EPHB1: variants seen among roughly 807,000 people sequenced by gnomAD.
EPHB1 encodes the protein EPH receptor B1.
EPHB1 carries 30 observed loss-of-function variants against 94.4 expected under a neutral mutation model. The observed-to-expected ratio is 0.32, with a 90% CI of 0.24 to 0.43. EPHB1 has a LOEUF of 0.43. Ranked by LOEUF, EPHB1 falls within the 20% of genes least tolerant of loss-of-function variation. EPHB1 has a pLI of 1.00. For synonymous variants in EPHB1, 522 were observed against 489.1 expected (o/e 1.07, Z -0.89); for missense variants, 1,055 against 1,308.3 (o/e 0.81, Z 2.99).
At chr3:134,896,850 C>T (rs950947354) in intron 1 of EPHB1, among the ~76,000 whole-genome samples, 1 of 152,228 alleles carries the variant, frequency 6.6e-6, no homozygotes, top group East Asian at 1.9e-4. Flanking sequence ...CCTTGGGTGT[C>T]CAAGCGAGTG....
chr3:135,071,964 G>A (rs1174644234), intron 3 of EPHB1, among the ~76,000 whole-genome samples: 1 of 152,096 alleles, frequency 6.6e-6, no homozygotes. Flanking sequence ...TGCCAGCCCT[G>A]CCCCCAGTCC....
chr3:135,195,119 G>A (rs1942562675), intron 11 of EPHB1, among the ~76,000 whole-genome samples: 1 of 152,134 alleles, frequency 6.6e-6, no homozygotes, highest in African/African-American at 2.4e-5. Context: ...AGAAGGAAAA[G>A]CATTTTCTGG....
intron 3 of EPHB1, among the ~76,000 whole-genome samples, chr3:135,054,336 A>T (rs1358844864): frequency 3.3e-5 from 5 of 152,040 alleles, no homozygotes; most frequent in Non-Finnish European, 5.9e-5. Flanking sequence ...CAGATTTTGG[A>T]CTTGCCAGTC....
At chr3:135,150,392 T>A (rs898522752) in intron 5 of EPHB1, among the ~76,000 whole-genome samples, 1 of 152,194 alleles carries the variant, frequency 6.6e-6, no homozygotes, top group Non-Finnish European at 1.5e-5. Context: ...CTGGACTGAT[T>A]CCAGAAAACT....
At chr3:134,961,727 T>A (rs1328442139) in intron 3 of EPHB1, among the ~76,000 whole-genome samples, 2 of 152,236 alleles carry the variant, frequency 1.3e-5, no homozygotes, top group Non-Finnish European at 2.9e-5. Flanking sequence ...ATATTACATA[T>A]AGATCTGCCT....
chr3:135,139,178 G>C (rs1030985748), intron 5 of EPHB1, among the ~76,000 whole-genome samples: 22 of 152,174 alleles, frequency 1.4e-4, no homozygotes, highest in Admixed American at 6.5e-5. Context: ...AATGTGTCCT[G>C]GTGACCCACA....
intron 12 of EPHB1, among the ~76,000 whole-genome samples, chr3:135,209,116 ACT>A (rs1405988445): frequency 6.6e-6 from 1 of 152,250 alleles, no homozygotes; most frequent in Non-Finnish European, 1.5e-5. Flanking sequence ...TTGAGTCCAC[ACT>A]AATATGCATA....
intron 1 of EPHB1, among the ~76,000 whole-genome samples, chr3:134,816,707 C>A (rs750197252): frequency 6.6e-6 from 1 of 151,884 alleles, no homozygotes; most frequent in African/African-American, 2.4e-5. Flanking sequence ...TTGTCTGGCC[C>A]ATCTATTGCT....
intron 3 of EPHB1, among the ~76,000 whole-genome samples, chr3:135,048,547 G>A (rs551491803): frequency 6.6e-6 from 1 of 152,226 alleles, no homozygotes; most frequent in South Asian, 2.1e-4. Flanking sequence ...TGGGATTACA[G>A]GCATGAGTCA....
intron 12 of EPHB1, among the ~76,000 whole-genome samples, chr3:135,234,988 A>G (rs1943614715): frequency 6.6e-6 from 1 of 151,782 alleles, no homozygotes; most frequent in Non-Finnish European, 1.5e-5. Flanking sequence ...GACATTGCTC[A>G]TCAACACAAA....
chr3:134,917,114 G>C (rs935675484), intron 1 of EPHB1, among the ~76,000 whole-genome samples: 1 of 152,206 alleles, frequency 6.6e-6, no homozygotes, highest in Non-Finnish European at 1.5e-5. Flanking sequence ...GACCATGCCA[G>C]ACCTGAGGAT....
At chr3:135,195,306 G>C (rs1248269808) in intron 11 of EPHB1, among the ~76,000 whole-genome samples, 2 of 151,878 alleles carry the variant, frequency 1.3e-5, no homozygotes, top group Non-Finnish European at 2.9e-5. Flanking sequence ...CCACACTGCT[G>C]CTCTTCCTAG....
At chr3:134,840,086 A>G (rs1292711515) in intron 1 of EPHB1, among the ~76,000 whole-genome samples, 1 of 152,152 alleles carries the variant, frequency 6.6e-6, no homozygotes, top group East Asian at 1.9e-4. Flanking sequence ...TCCGTTAGTG[A>G]TCAACTTGTA....
intron 3 of EPHB1, among the ~76,000 whole-genome samples, chr3:135,085,540 G>C (rs1485102753): frequency 6.6e-6 from 1 of 152,220 alleles, no homozygotes; most frequent in Non-Finnish European, 1.5e-5. Flanking sequence ...CCAAGGAATG[G>C]AGACAGCCTG....
chr3:134,811,528 T>C (rs1285464430), intron 1 of EPHB1, among the ~76,000 whole-genome samples: 1 of 151,982 alleles, frequency 6.6e-6, no homozygotes, highest in African/African-American at 2.4e-5. Context: ...CATAAGCCAA[T>C]GCGCCCGGCC....
chr3:135,186,636 C>A (rs17710779), intron 10 of EPHB1, among the ~76,000 whole-genome samples: 1 of 150,632 alleles, frequency 6.6e-6, no homozygotes, highest in Non-Finnish European at 1.5e-5. Context: ...TGTGCATAAC[C>A]AGAAGCTACT....
intron 1 of EPHB1, among the ~76,000 whole-genome samples, chr3:134,869,544 GC>G (rs1163652266): frequency 3.3e-5 from 5 of 152,186 alleles, no homozygotes; most frequent in Non-Finnish European, 7.3e-5. Flanking sequence ...GGGATGTGAT[GC>G]CCTGGTTGGC....
chr3:134,802,078 A>G (rs1303051270), intron 1 of EPHB1, among the ~76,000 whole-genome samples: 1 of 152,156 alleles, frequency 6.6e-6, no homozygotes, highest in African/African-American at 2.4e-5. Context: ...AAGGATCATT[A>G]TGGTAGAGAG....
At chr3:134,862,919 C>T (rs968264339) in intron 1 of EPHB1, among the ~76,000 whole-genome samples, 3 of 152,238 alleles carry the variant, frequency 2.0e-5, no homozygotes, top group Non-Finnish European at 4.4e-5. Context: ...ATGTGTGCCA[C>T]ACTGGTGCCC....
Sources: allele counts gnomAD v4.1 joint callset (sites outside exome capture counted in the v4.1 genomes callset), GRCh38; gene constraint gnomAD v4.1.1; transcripts MANE v1.5; gene names NCBI Gene and HGNC (gene_info 2026-07-23, HGNC 2026-07-21).